The following VWF variants were observed in gnomAD, a reference collection of about 807,000 sequenced individuals.
VWF encodes the protein von Willebrand factor, also known as Factor VIII related antigen.
VWF carries 176 observed loss-of-function variants against 308.6 expected under a neutral mutation model. The ratio of observed to expected loss-of-function variants is 0.57; its 90% CI spans 0.50 to 0.65. The LOEUF (loss-of-function observed/expected upper bound fraction) is 0.65, where lower values mean the gene tolerates loss of function less well. VWF is among the 30% of genes least tolerant of loss of function. VWF has a pLI of 0.00. For synonymous variants in VWF, 1,385 were observed against 1,443.4 expected, an observed-to-expected ratio of 0.96 and a Z score of 0.92; for missense variants, 3,146 against 3,648.2, an observed-to-expected ratio of 0.86 and a Z score of 3.55.
chr12:6,023,770 A>G lies in VWF; in HGVS notation c.3240T>C (p.Tyr1080=), dbSNP rs4021576. ...DCNKLVDPEP[Y]LDVCIYDTCS... is the part of the protein sequence containing the mutation. ...AGGTGTCGTAAATGCAGACATCCAG[A>G]TATGGCTCGGGGTCCACCTGCAAAG... The change falls in exon 25 of 52, where the codon TAT becomes TAC. Residue 1080 remains tyrosine (Y), a synonymous_variant. Transcript: ENST00000261405. 20,647 of 1,605,166 alleles carry G rather than the reference A, an allele frequency of 0.013. 3,351 individuals carry two copies. In the African/African-American group the frequency reaches 0.26, roughly 20 times the overall value.
At chr12:5,982,856 T>TA (rs3216178) in intron 41 of VWF, among the ~76,000 whole-genome samples, 39,847 of 151,904 alleles carry the variant, frequency 0.26, 6,484 homozygotes, top group Non-Finnish European at 0.35. Context: ...TGGGCAGAAA[T>TA]AAAGATTAGA....
Position 6,008,809 on chromosome 12 carries a change from A to C in VWF, c.5842+2808T>G, listed in dbSNP as rs372438458. On this transcript the variant is annotated intron_variant, in intron 34 of 51. Coordinates refer to ENST00000261405, the MANE Select transcript of VWF (RefSeq NM_000552.5). Reference sequence around the variant, plus strand: ...TTTGTTAGCAAATTCAGCGAAGTTAAAACAAATTCAGTTGCAGAATACAAA... The same window carrying C: ...TTTGTTAGCAAATTCAGCGAAGTTACAACAAATTCAGTTGCAGAATACAAA... 1.9e-3 allele frequency among the ~76,000 whole-genome samples: 295 copies of C among 152,336 alleles called. 1 individual carries two copies. The highest frequency in any genetic ancestry group is 6.8e-3 in the African/African-American group (281 of 41,586).
chr12:6,114,598 T>C (rs1456743280), intron 3 of VWF, among the ~76,000 whole-genome samples: 5 of 152,054 alleles, frequency 3.3e-5, no homozygotes, highest in Admixed American at 1.3e-4. Flanking sequence ...CGGCAGACCC[T>C]GGGGTAACTT....
intron 6 of VWF, among the ~76,000 whole-genome samples, chr12:6,088,482 A>C (rs1193480666): frequency 6.8e-6 from 1 of 147,432 alleles, no homozygotes; most frequent in African/African-American, 2.6e-5. Context: ...CTGTCTAAAA[A>C]AAAAAAAAAA....
At chr12:6,055,932 C>G (rs1472252956) in intron 15 of VWF, among the ~76,000 whole-genome samples, 1 of 151,730 alleles carries the variant, frequency 6.6e-6, no homozygotes, top group East Asian at 1.9e-4. Flanking sequence ...ATTTTAATTT[C>G]TAAACACATC....
At chr12:6,112,737 C>T (rs537331344) in intron 3 of VWF, among the ~76,000 whole-genome samples, 1 of 152,166 alleles carries the variant, frequency 6.6e-6, no homozygotes, top group South Asian at 2.1e-4. Context: ...GCAGAGGTCT[C>T]CTCACTCCTA....
intron 50 of VWF, among the ~76,000 whole-genome samples, 163 bp from the exon 51 acceptor site, chr12:5,950,046 T>C (rs895351872): frequency 6.6e-6 from 1 of 152,194 alleles, no homozygotes. Context: ...ACCTCAGCTG[T>C]TCCTGGCCCG....
At chr12:6,101,044 G>A (rs1945156502) in intron 5 of VWF, among the ~76,000 whole-genome samples, 1 of 151,974 alleles carries the variant, frequency 6.6e-6, no homozygotes, top group African/African-American at 2.4e-5. Context: ...AAGATAATAA[G>A]AAAAATAATA....
chr12:5,976,311 C>T (rs769370344), intron 42 of VWF, 51 bp from the exon 43 acceptor site: 10 of 1,611,518 alleles, frequency 6.2e-6, no homozygotes, highest in Middle Eastern at 1.7e-4. Context: ...TTGAAACAAG[C>T]GGTGAGTTAG....
At chr12:6,055,759 TATACACACACACACACACAC>T (rs1190508674) in intron 15 of VWF, among the ~76,000 whole-genome samples, 1 of 66,260 alleles carries the variant, frequency 1.5e-5, no homozygotes, top group East Asian at 2.6e-4. Flanking sequence ...TATATATATG[TATACACACACACACACACAC>T]ACACACACAC....
rs766485706 is a variant in VWF, at chr12:6,025,984, G to C, written c.3030C>G (p.Ser1010Arg). The C allele has an allele frequency of 1.9e-6, 3 of 1,614,002 alleles. No homozygotes were observed. The highest frequency in any genetic ancestry group is 2.5e-6 in the Non-Finnish European group (3 of 1,179,878). Residue 1010 changes from serine (S) to arginine (R), a missense_variant, in exon 23 of 52, where the codon AGC becomes AGG. By Grantham distance (110) the Ser-to-Arg change is moderately radical. This residue lies in a region of VWF where 1,304 missense variants were observed against 1,353.0 expected (regional missense o/e 0.96). Transcript: ENST00000261405. ...DGIQNNDLTS[S>R]NLQVEEDPVD... ...CAGGGTCTTCCTCCACTTGGAGGTT[G>C]CTGCTGGTGAGGTCATTGTTCTGGA...
chr12:6,050,357 C>T (rs950384084), intron 16 of VWF, among the ~76,000 whole-genome samples: 13 of 152,160 alleles, frequency 8.5e-5, no homozygotes, highest in Non-Finnish European at 1.9e-4. Flanking sequence ...ACCTTCTTAT[C>T]GGTCAACGTC....
intron 47 of VWF, among the ~76,000 whole-genome samples, chr12:5,964,282 A>ACATACATACATACATGCATG (rs1269684878): frequency 2.1e-5 from 3 of 143,366 alleles, no homozygotes; most frequent in African/African-American, 9.0e-5. Flanking sequence ...ATGCATACAT[A>ACATACATACATACATGCATG]CATGCATACA....
In VWF at chr12:6,082,822, T is replaced by TTCGC. The variant is rs1416250538; in HGVS notation, c.658-7272_658-7271insGCGA. On this transcript the variant is annotated intron_variant, in intron 6 of 51. Coordinates refer to ENST00000261405, the MANE Select transcript of VWF (RefSeq NM_000552.5). ...AGTAAACCCTGTTAAATTTAATTTG[T>TTCGC]CTCAGGTTTTTCTTTTAACACTAGT... 3.3e-5 allele frequency among the ~76,000 whole-genome samples: 5 copies of TTCGC among 152,234 alleles called. 1 individual carries two copies. In the East Asian group the frequency reaches 9.6e-4, roughly 29 times the overall value.
At chr12:6,120,808 A>G (rs772894546) in intron 3 of VWF, among the ~76,000 whole-genome samples, 2 of 152,162 alleles carry the variant, frequency 1.3e-5, no homozygotes, top group Non-Finnish European at 2.9e-5. Flanking sequence ...TCCACAGGCC[A>G]CCAAGAAAAC....
intron 31 of VWF, among the ~76,000 whole-genome samples, chr12:6,014,400 G>A (rs955433883): frequency 6.6e-6 from 1 of 152,188 alleles, no homozygotes; most frequent in Admixed American, 6.5e-5. Context: ...GTGGAAGCTG[G>A]GGTTCCAGTT....
At chr12:6,033,200 T>C (rs1448854092) in intron 20 of VWF, among the ~76,000 whole-genome samples, 4 of 152,242 alleles carry the variant, frequency 2.6e-5, no homozygotes, top group African/African-American at 9.6e-5. Flanking sequence ...GTAGGTGTTT[T>C]ATTTGTCCTT....
In VWF at chr12:6,022,810, C is replaced by A. The variant is rs886395597; in HGVS notation, c.3468G>T (p.Thr1156=). Residue 1156 remains threonine (T), a synonymous_variant, in exon 26 of 52, where the codon ACG becomes ACT. Transcript: ENST00000261405. ...AGGCCAGTGGCTCAGGGTGCTGACA[C>A]GTGACTTGACAGGCAGGTGCACAGC... ...YNSCAPACQV[T]CQHPEPLACP... is the part of the protein sequence containing the mutation. 5 of 537,786 alleles carry A rather than the reference C, an allele frequency of 9.3e-6. No homozygotes were observed. In the South Asian group the frequency reaches 1.1e-4, roughly 11 times the overall value. 33.3% of individuals were successfully genotyped at this position (537,786 alleles called of 1,614,324 possible). A position where few individuals can be genotyped will look rare whatever the true frequency, so the allele number is the denominator to read the frequency against.
rs548831251 is a variant in VWF, at chr12:5,951,818, G to A, written c.8155+26C>T. ...TGGACTTGCTCTGATGGGTTTCAAGGGACAAGATATTAGTAACGCACTCAC... is the reference window on the plus strand; with the variant it reads ...TGGACTTGCTCTGATGGGTTTCAAGAGACAAGATATTAGTAACGCACTCAC... On this transcript the variant is annotated intron_variant, in intron 50 of 51. Transcript: ENST00000261405. The A allele has an allele frequency of 6.1e-5, 99 of 1,614,060 alleles. 1 individual carries two copies. In the South Asian group the frequency reaches 1.0e-3, roughly 17 times the overall value.
Sources: gnomAD v4.1 joint callset for allele counts (sites outside exome capture counted in the v4.1 genomes callset) on GRCh38, gnomAD v4.1.1 for gene constraint, gnomAD v4.1.1 regional missense constraint, MANE v1.5 for transcripts, NCBI Gene and HGNC (gene_info 2026-07-23, HGNC 2026-07-21) for gene names.